TAX1BP1: variants seen among roughly 807,000 people sequenced by gnomAD.
TAX1BP1 encodes the protein tax1-binding protein 1.
TAX1BP1 carries 62 observed loss-of-function variants against 97.7 expected under a neutral mutation model. The ratio of observed to expected loss-of-function variants is 0.63; its 90% CI spans 0.52 to 0.78. The LOEUF (loss-of-function observed/expected upper bound fraction) is 0.78, where lower values mean the gene tolerates loss of function less well. Among genes scored for constraint, TAX1BP1 ranks in the 30% least tolerant of loss-of-function variants. The pLI is 0.00. For missense variants in TAX1BP1, 867 were observed against 916.1 expected (o/e 0.95, Z 0.69); for synonymous variants, 340 against 304.2 (o/e 1.12, Z -1.23).
chr7:27,797,692 T>G (rs909945899), intron 12 of TAX1BP1, among the ~76,000 whole-genome samples: 1 of 152,162 alleles, frequency 6.6e-6, no homozygotes, highest in African/African-American at 2.4e-5. Context: ...TAGAACAGTT[T>G]TACTCTTGAA....
intron 15 of TAX1BP1, among the ~76,000 whole-genome samples, chr7:27,819,898 A>G (rs994474593): frequency 6.6e-6 from 1 of 152,164 alleles, no homozygotes; most frequent in Admixed American, 6.5e-5. Flanking sequence ...TGCCCTAGGT[A>G]CTTTCATACC....
intron 13 of TAX1BP1, among the ~76,000 whole-genome samples, chr7:27,808,459 A>G (rs1790426990): frequency 6.6e-6 from 1 of 152,224 alleles, no homozygotes; most frequent in Non-Finnish European, 1.5e-5. Flanking sequence ...ACATCTAACT[A>G]GAGTTCAACA....
At chr7:27,777,416 A>G (rs1354939272) in intron 5 of TAX1BP1, among the ~76,000 whole-genome samples, 1 of 152,166 alleles carries the variant, frequency 6.6e-6, no homozygotes, top group African/African-American at 2.4e-5. Context: ...CCTTCTTTCA[A>G]TTAGAGAATA....
At chr7:27,740,515 C>A (rs1314876027) in intron 1 of TAX1BP1, 1 of 152,322 alleles carries the variant, frequency 6.6e-6, no homozygotes, top group Non-Finnish European at 1.5e-5. Context: ...CGGGTGGCCG[C>A]CCCACGCGGT....
intron 3 of TAX1BP1, among the ~76,000 whole-genome samples, chr7:27,760,637 GC>G: frequency 6.6e-6 from 1 of 151,880 alleles, no homozygotes; most frequent in East Asian, 2.0e-4. Flanking sequence ...CTTGTGATCC[GC>G]CCGCCTCGGC....
chr7:27,748,391 A>T, intron 1 of TAX1BP1, 127 bp from the exon 2 acceptor site: 1 of 582,722 alleles, frequency 1.7e-6, no homozygotes. Flanking sequence ...GTATTTACAA[A>T]GTATATATTT....
chr7:27,745,100 C>T (rs886805149), intron 1 of TAX1BP1, among the ~76,000 whole-genome samples: 4 of 152,204 alleles, frequency 2.6e-5, no homozygotes, highest in African/African-American at 9.7e-5. Context: ...ACTTACTATA[C>T]TCCTGTTTGT....
At chr7:27,755,052 C>T (rs887542509) in intron 2 of TAX1BP1, among the ~76,000 whole-genome samples, 5 of 151,984 alleles carry the variant, frequency 3.3e-5, no homozygotes, top group African/African-American at 1.2e-4. Flanking sequence ...TTGCATACTC[C>T]CTGTGTATAT....
intron 2 of TAX1BP1, among the ~76,000 whole-genome samples, chr7:27,753,075 A>G (rs2010000): frequency 0.92 from 140,540 of 152,288 alleles, 65,050 homozygotes; most frequent in East Asian, 1. Context: ...TGAAGTGGGC[A>G]GATCACTTCA....
In TAX1BP1 at chr7:27,809,090, CT is replaced by C. The variant is rs1167881481; in HGVS notation, c.1765-7255del. ...ATATATGATAGAGTATGTGCTTATT[CT>C]TTTAAATGTTAAATAAGATTTAATA... is the stretch of plus-strand genomic sequence containing the variant. On this transcript the variant is annotated intron_variant, in intron 13 of 16. Transcript: ENST00000396319. 5.9e-5 allele frequency among the ~76,000 whole-genome samples: 9 copies of C among 152,170 alleles called. No homozygotes were observed. The East Asian group carries it at 1.2e-3, about 20-fold the overall frequency.
At chr7:27,827,307 C>T (rs1348270439) in intron 15 of TAX1BP1, among the ~76,000 whole-genome samples, 17 of 151,498 alleles carry the variant, frequency 1.1e-4, no homozygotes, top group African/African-American at 3.9e-4. Context: ...CAGCCGAGAT[C>T]GCGCCACTGC....
Position 27,828,640 on chromosome 7 carries a change from C to T in TAX1BP1, c.2181C>T (p.His727=). ...TTTTCTCTTTAAGCTTTGATGTTCACAAGAAGTGTCCCCTCTGTGAGTTAA... is the reference window on the plus strand; with the variant it reads ...TTTTCTCTTTAAGCTTTGATGTTCATAAGAAGTGTCCCCTCTGTGAGTTAA... ...GFCFDSSFDV[H]KKCPLCELMF... is the part of the protein sequence containing the mutation. Residue 727 remains histidine (H), a synonymous_variant, in exon 17 of 17, where the codon CAC becomes CAT. Coordinates refer to ENST00000396319, the MANE Select transcript of TAX1BP1 (RefSeq NM_006024.7). 1 of 1,613,728 alleles carries T rather than the reference C, an allele frequency of 6.2e-7. No homozygotes were observed. The highest frequency in any genetic ancestry group is 1.3e-5 in the African/African-American group (1 of 74,994).
intron 5 of TAX1BP1, among the ~76,000 whole-genome samples, chr7:27,780,115 A>G (rs1022172829): frequency 6.6e-6 from 1 of 152,336 alleles, no homozygotes; most frequent in East Asian, 1.9e-4. Context: ...CACAACACAC[A>G]ACACCAATAT....
chr7:27,776,548 TC>T (rs1301939899), intron 5 of TAX1BP1, among the ~76,000 whole-genome samples: 1 of 152,142 alleles, frequency 6.6e-6, no homozygotes, highest in Non-Finnish European at 1.5e-5. Context: ...TGTGTTTTTT[TC>T]CTCTTACTAT....
intron 5 of TAX1BP1, among the ~76,000 whole-genome samples, chr7:27,784,005 T>C (rs1789367157): frequency 6.6e-6 from 1 of 152,220 alleles, no homozygotes; most frequent in South Asian, 2.1e-4. Flanking sequence ...CAAAAATAAG[T>C]CAATAGGGTG....
chr7:27,791,111 A>T (rs750166156), intron 8 of TAX1BP1, among the ~76,000 whole-genome samples: 1 of 152,066 alleles, frequency 6.6e-6, no homozygotes, highest in Non-Finnish European at 1.5e-5. Flanking sequence ...CTCCTTTGAC[A>T]TATAGAAGTT....
chr7:27,767,878 AT>A (rs1342627806), intron 4 of TAX1BP1, among the ~76,000 whole-genome samples: 1 of 152,056 alleles, frequency 6.6e-6, no homozygotes, highest in African/African-American at 2.4e-5. Flanking sequence ...TTTTTAACAA[AT>A]ATTTTGGTGA....
At position 27,816,899 on chromosome 7, in the gene TAX1BP1, A is replaced by G. The variant is rs1790788448; in HGVS notation, c.1946A>G (p.Asp649Gly). Reference protein sequence around the residue: ...YASQETRDGADGAFYPDEIQR... With the variant: ...YASQETRDGAGGAFYPDEIQR... ...AAAAATTTTATTACAGATGGAGCAG[A>G]TGGTGCTTTTTACCCAGATGAAATA... Residue 649 changes from aspartate (D) to glycine (G), a missense_variant, in exon 15 of 17, where the codon GAT (aspartate) becomes GGT (glycine). Coordinates refer to ENST00000396319, the MANE Select transcript of TAX1BP1 (RefSeq NM_006024.7). 7.4e-6 allele frequency: 12 copies of G among 1,613,996 alleles called. No homozygotes were observed. Among genetic ancestry groups the G allele is most frequent in the Non-Finnish European group, 5.9e-6 (7 of 1,179,984 alleles).
chr7:27,743,366 T>G (rs1184292487), intron 1 of TAX1BP1, among the ~76,000 whole-genome samples: 1 of 152,218 alleles, frequency 6.6e-6, no homozygotes, highest in African/African-American at 2.4e-5. Flanking sequence ...TGCTGGACAT[T>G]TTTTCCTTTC....
Sources: allele counts gnomAD v4.1 joint callset (sites outside exome capture counted in the v4.1 genomes callset), GRCh38; gene constraint gnomAD v4.1.1; transcripts MANE v1.5; gene names NCBI Gene and HGNC (gene_info 2026-07-23, HGNC 2026-07-21).